Variants in GAPVD1 observed in about 807,000 individuals in gnomAD.
GAPVD1 encodes GTPase-activating protein and VPS9 domain-containing protein 1.
GAPVD1 carries 35 observed loss-of-function variants against 155.5 expected under a neutral mutation model. That is an observed-to-expected ratio of 0.23 (90% confidence interval 0.17 to 0.30). The LOEUF (loss-of-function observed/expected upper bound fraction) is 0.30, where lower values mean the gene tolerates loss of function less well. Among genes scored for constraint, GAPVD1 ranks in the 10% least tolerant of loss-of-function variants. The probability of loss-of-function intolerance (pLI) is 1.00; values close to 1 mark genes in which losing one functional copy is unlikely to be tolerated. For missense variants in GAPVD1, 1,429 were observed against 1,775.7 expected, an observed-to-expected ratio of 0.80 and a Z score of 3.51; for synonymous variants, 636 against 619.7, an observed-to-expected ratio of 1.03 and a Z score of -0.39.
chr9:125,343,614 T>C (rs1848130015), intron 19 of GAPVD1, among the ~76,000 whole-genome samples: 2 of 152,210 alleles, frequency 1.3e-5, no homozygotes, highest in Admixed American at 1.3e-4. Flanking sequence ...GAGATGTGCT[T>C]ACAGGCCACA....
rs762576127 is a variant in GAPVD1 at position 125,305,116 on chromosome 9, C to T, written c.1083C>T (p.Pro361=). The T allele has an allele frequency of 2.1e-5, 34 of 1,613,682 alleles. 1 individual carries two copies. The Admixed American group carries it at 5.5e-4, about 26-fold the overall frequency. ...LAMTGSEEGD[P]RTKSSLGKFD... ...TGACTGGCTCTGAAGAGGGAGATCC[C>T]CGAACAAAGAGCAGCCTTGGAAAGT... Residue 361 remains proline (P), a synonymous_variant, in exon 6 of 28, where the codon CCC becomes CCT. Transcript: ENST00000297933.
intron 8 of GAPVD1, among the ~76,000 whole-genome samples, chr9:125,311,601 A>G (rs1842698258): frequency 6.6e-6 from 1 of 152,236 alleles, no homozygotes; most frequent in Non-Finnish European, 1.5e-5. Context: ...AGCCTGGGCA[A>G]CAAGAGTGAA....
Position 125,346,855 on chromosome 9 carries a change from T to A in GAPVD1, c.3083T>A (p.Val1028Glu). The change falls in exon 20 of 28, where the codon GTG becomes GAG. Residue 1028 changes from valine to glutamate, a missense_variant. By Grantham distance (121) the Val-to-Glu change is moderately radical. This residue lies in a region of GAPVD1 where 699 missense variants were observed against 826.0 expected (regional missense o/e 0.85). Transcript: ENST00000297933. ...CCTAGACTCAGTGCACAAGCTCAGG[T>A]GGCTGAGGATATTCTGGACAAATAC... ...PSPRLSAQAQ[V>E]AEDILDKYRN... 6.2e-7 allele frequency: 1 copy of A among 1,614,032 alleles called. No homozygotes were observed. Among genetic ancestry groups the A allele is most frequent in the South Asian group, 1.1e-5 (1 of 91,086 alleles).
intron 8 of GAPVD1, chr9:125,308,177 T>A (rs1842138922): frequency 4.2e-6 from 2 of 475,594 alleles, no homozygotes; most frequent in African/African-American, 3.9e-5. Context: ...TAAGTAGTCA[T>A]CTTTAAAACT....
intron 2 of GAPVD1, among the ~76,000 whole-genome samples, chr9:125,270,031 T>G (rs776324824): frequency 6.0e-4 from 91 of 152,084 alleles, no homozygotes; most frequent in Non-Finnish European, 2.1e-4. Flanking sequence ...TTTTAATTTG[T>G]AAAGGAACTA....
At chr9:125,284,009 G>T (rs750399728) in intron 2 of GAPVD1, among the ~76,000 whole-genome samples, 4 of 151,742 alleles carry the variant, frequency 2.6e-5, no homozygotes, top group Admixed American at 2.0e-4. Flanking sequence ...AAGTAGCCAG[G>T]ACTACAGGTA....
intron 13 of GAPVD1, among the ~76,000 whole-genome samples, chr9:125,331,555 G>A (rs986925492): frequency 1.3e-5 from 2 of 152,140 alleles, no homozygotes; most frequent in Admixed American, 6.5e-5. Context: ...AGACCAGTTG[G>A]GGACAATAGG....
At chr9:125,333,113 C>T (rs1394013907) in intron 15 of GAPVD1, among the ~76,000 whole-genome samples, 2 of 151,924 alleles carry the variant, frequency 1.3e-5, no homozygotes, top group Non-Finnish European at 2.9e-5. Flanking sequence ...TGTGCTGTCA[C>T]CCAGGCTGGA....
intron 9 of GAPVD1, among the ~76,000 whole-genome samples, chr9:125,315,279 A>T (rs1843259106): frequency 6.6e-6 from 1 of 152,206 alleles, no homozygotes; most frequent in Non-Finnish European, 1.5e-5. Context: ...CACACAAATA[A>T]GCTGGCAAAA....
chr9:125,299,568 T>C (rs1157825258), intron 4 of GAPVD1, among the ~76,000 whole-genome samples: 1 of 150,674 alleles, frequency 6.6e-6, no homozygotes, highest in African/African-American at 2.4e-5. Context: ...AGGCAGAGAA[T>C]TGCTTGAACC....
intron 19 of GAPVD1, among the ~76,000 whole-genome samples, chr9:125,342,712 T>G (rs1847987371): frequency 6.6e-6 from 1 of 152,248 alleles, no homozygotes; most frequent in Non-Finnish European, 1.5e-5. Context: ...ACATTTATTT[T>G]CATCTACAGT....
At chr9:125,314,347 G>A (rs1480996277) in intron 9 of GAPVD1, among the ~76,000 whole-genome samples, 2 of 152,074 alleles carry the variant, frequency 1.3e-5, no homozygotes, top group African/African-American at 2.4e-5. Flanking sequence ...GTAACAAAAA[G>A]CTTGGCTTAA....
Position 125,354,646 on chromosome 9 carries a change from C to T in GAPVD1, c.3570-8C>T. ...ATCTGATGTCATGCAAAGTATTTTT[C>T]CTTTTAGAAAAAGAGCCCCATATAT... On this transcript the variant is annotated splice_region_variant and splice_polypyrimidine_tract_variant and intron_variant, in intron 23 of 27. Transcript: ENST00000297933. 6.3e-7 allele frequency: 1 copy of T among 1,591,606 alleles called. No individual in the cohort carries two copies. Among genetic ancestry groups the T allele is most frequent in the Admixed American group, 1.7e-5 (1 of 59,080 alleles).
intron 2 of GAPVD1, among the ~76,000 whole-genome samples, chr9:125,288,817 C>A (rs566091504): frequency 6.6e-6 from 1 of 152,188 alleles, no homozygotes; most frequent in Admixed American, 6.5e-5. Context: ...CAGAGATGGT[C>A]AATACATGAG....
chr9:125,358,049 G>A (rs757048791), intron 25 of GAPVD1, among the ~76,000 whole-genome samples: 2 of 151,648 alleles, frequency 1.3e-5, no homozygotes, highest in African/African-American at 4.8e-5. Flanking sequence ...AATAGTAATA[G>A]CGATTATTTT....
intron 12 of GAPVD1, among the ~76,000 whole-genome samples, chr9:125,327,542 G>A (rs930218223): frequency 2.0e-5 from 3 of 151,658 alleles, no homozygotes; most frequent in African/African-American, 7.3e-5. Context: ...TTACTCTGTC[G>A]CCCAGGCTGG....
chr9:125,351,014 C>G (rs1006753200), intron 23 of GAPVD1, 142 bp downstream of exon 23: 5 of 684,730 alleles, frequency 7.3e-6, no homozygotes, highest in Non-Finnish European at 1.3e-5. Context: ...CTGTGTTAGT[C>G]TGTTCTCACG....
chr9:125,362,929 GC>G lies in GAPVD1; in HGVS notation c.*184del, dbSNP rs949456031. On this transcript the variant is annotated 3_prime_UTR_variant, in exon 28 of 28. Transcript: ENST00000297933. ...AACAAGCAGGTTCTCTCGTCTTTGG[GC>G]TCTTTCCTTTCTGAGTTGCATATTC... is the stretch of plus-strand genomic sequence containing the variant. 2.5e-6 allele frequency: 1 copy of G among 403,848 alleles called. No individual in the cohort carries two copies. The highest frequency in any genetic ancestry group is 4.4e-6 in the Non-Finnish European group (1 of 228,620). The allele number at this position is 403,848 out of a possible 1,614,324, so 25.0% of individuals were successfully genotyped here.
At position 125,350,569 on chromosome 9, in the gene GAPVD1, A is replaced by C. The variant is rs527686613; in HGVS notation, c.3410-144A>C. ...CACTTTGATTACTGATGATTTATTAAAGTATTTTCTAATTGGGAGTGGCAA... is the reference window on the plus strand; with the variant it reads ...CACTTTGATTACTGATGATTTATTACAGTATTTTCTAATTGGGAGTGGCAA... On this transcript the variant is annotated intron_variant, in intron 22 of 27. Coordinates refer to ENST00000297933, the MANE Select transcript of GAPVD1 (RefSeq NM_001282680.3). The C allele has an allele frequency of 6.8e-5, 46 of 680,150 alleles. 1 individual carries two copies. The highest frequency in any genetic ancestry group is 6.3e-5 in the Non-Finnish European group (25 of 395,640). The allele number at this position is 680,150 out of a possible 1,614,324, so 42.1% of individuals were successfully genotyped here.
Sources: allele counts gnomAD v4.1 joint callset (sites outside exome capture counted in the v4.1 genomes callset), GRCh38; gene constraint gnomAD v4.1.1; regional missense constraint gnomAD v4.1.1; transcripts MANE v1.5; gene names NCBI Gene and HGNC (gene_info 2026-07-23, HGNC 2026-07-21).